The following ASTN2 variants were observed in gnomAD, a reference collection of about 807,000 sequenced individuals.
ASTN2 encodes astrotactin-2.
Under a neutral mutation model 139.8 loss-of-function variants are expected in ASTN2, and 54 were observed. That is an observed-to-expected ratio of 0.39 (90% CI 0.31 to 0.48). ASTN2 has a LOEUF of 0.48. Among genes scored for constraint, ASTN2 ranks in the 20% least tolerant of loss-of-function variants. The pLI, the probability that ASTN2 is intolerant of heterozygous loss-of-function variation, is 0.95. For synonymous variants in ASTN2, 756 were observed against 719.5 expected (o/e 1.05, Z -0.81); for missense variants, 1,565 against 1,725.1 (o/e 0.91, Z 1.64).
At chr9:117,016,133 T>C (rs1837665279) in intron 6 of ASTN2, among the ~76,000 whole-genome samples, 1 of 152,094 alleles carries the variant, frequency 6.6e-6, no homozygotes, top group Non-Finnish European at 1.5e-5. Context: ...TATGTCCTTA[T>C]TGAGAATGTA....
intron 11 of ASTN2, among the ~76,000 whole-genome samples, chr9:116,857,265 T>C (rs1832764702): frequency 6.6e-6 from 1 of 152,196 alleles, no homozygotes. Flanking sequence ...TTAATTGCCA[T>C]GAACATAGGC....
intron 20 of ASTN2, 70 bp downstream of exon 20, chr9:116,487,289 C>G: frequency 6.3e-7 from 1 of 1,576,684 alleles, no homozygotes; most frequent in Non-Finnish European, 8.6e-7. Context: ...CAGAATAACT[C>G]ATGCCATTCC....
At chr9:116,964,298 C>CT in intron 10 of ASTN2, among the ~76,000 whole-genome samples, 1 of 150,518 alleles carries the variant, frequency 6.6e-6, no homozygotes, top group South Asian at 2.1e-4. Context: ...TGGTTGATGC[C>CT]TATTGGGCAG....
chr9:117,048,335 A>C (rs1321544171), intron 5 of ASTN2, among the ~76,000 whole-genome samples: 1 of 152,166 alleles, frequency 6.6e-6, no homozygotes, highest in Non-Finnish European at 1.5e-5. Context: ...AGAAAATGAG[A>C]AGGGCTGTCG....
rs1010170084 is a variant in ASTN2, at chr9:117,405,171, G to T, written c.442+9326C>A. On this transcript the variant is annotated intron_variant, in intron 1 of 22. Transcript: ENST00000313400. ...TATAAGAAACGCCTGCAGCTTCTTG[G>T]TCATGAGAAGAGGATGACATAAGAA... Among the ~76,000 whole-genome samples the T allele has an allele frequency of 3.9e-5, 6 of 152,340 alleles. No homozygotes were observed. In the East Asian group the frequency reaches 9.7e-4, roughly 25 times the overall value.
intron 11 of ASTN2, among the ~76,000 whole-genome samples, chr9:116,856,866 C>T (rs747572442): frequency 1.1e-4 from 17 of 152,268 alleles, no homozygotes; most frequent in Non-Finnish European, 2.2e-4. Flanking sequence ...GAATTCAGAG[C>T]CAGGGCTAAG....
chr9:117,107,962 G>A (rs893639408), intron 4 of ASTN2, among the ~76,000 whole-genome samples: 4 of 152,116 alleles, frequency 2.6e-5, no homozygotes, highest in Non-Finnish European at 5.9e-5. Context: ...CCCTTTATGA[G>A]TTGAATAAAC....
At chr9:116,467,763 A>T (rs895024715) in intron 20 of ASTN2, among the ~76,000 whole-genome samples, 1 of 152,382 alleles carries the variant, frequency 6.6e-6, no homozygotes, top group African/African-American at 2.4e-5. Flanking sequence ...ATTAAACAAG[A>T]TAATGTTTTT....
chr9:116,994,127 T>C (rs1836944245), intron 7 of ASTN2, among the ~76,000 whole-genome samples: 1 of 152,052 alleles, frequency 6.6e-6, no homozygotes. Context: ...ATGAATTCAA[T>C]AGACCAGGAA....
At chr9:117,368,122 C>T (rs1829894321) in intron 1 of ASTN2, among the ~76,000 whole-genome samples, 4 of 152,052 alleles carry the variant, frequency 2.6e-5, no homozygotes, top group Admixed American at 2.6e-4. Context: ...TAAGCAGCAA[C>T]TAAGGATAAG....
chr9:117,113,485 G>T (rs10983530), intron 4 of ASTN2, among the ~76,000 whole-genome samples: 1 of 152,010 alleles, frequency 6.6e-6, no homozygotes, highest in Non-Finnish European at 1.5e-5. Flanking sequence ...GTTAAACCCC[G>T]TCTCCACTAA....
intron 19 of ASTN2, among the ~76,000 whole-genome samples, chr9:116,493,969 A>T (rs898057880): frequency 3.9e-5 from 6 of 152,126 alleles, no homozygotes; most frequent in African/African-American, 1.4e-4. Flanking sequence ...GGAGAAGCAG[A>T]GCTCTCTCTG....
At chr9:116,777,694 T>A (rs759823488) in intron 13 of ASTN2, among the ~76,000 whole-genome samples, 10 of 152,106 alleles carry the variant, frequency 6.6e-5, no homozygotes, top group Non-Finnish European at 1.0e-4. Flanking sequence ...GATGTTCCAA[T>A]CTAAGACCAC....
intron 7 of ASTN2, among the ~76,000 whole-genome samples, chr9:116,997,123 C>T (rs947490766): frequency 1.5e-4 from 23 of 152,070 alleles, no homozygotes; most frequent in Admixed American, 8.5e-4. Context: ...CAAAGGTTGC[C>T]TTGGACTTTC....
chr9:116,750,502 C>T (rs1244207487), intron 13 of ASTN2, among the ~76,000 whole-genome samples: 1 of 152,020 alleles, frequency 6.6e-6, no homozygotes, highest in African/African-American at 2.4e-5. Flanking sequence ...GAGAAACCTG[C>T]TACAGTAGAA....
intron 16 of ASTN2, among the ~76,000 whole-genome samples, chr9:116,703,363 C>CTGGATT (rs1564222210): frequency 6.6e-6 from 1 of 150,408 alleles, no homozygotes; most frequent in Non-Finnish European, 1.5e-5. Context: ...GAGTTCATTG[C>CTGGATT]AGATTCTGGA....
chr9:116,869,203 A>G (rs184522915), intron 10 of ASTN2, among the ~76,000 whole-genome samples: 5 of 152,234 alleles, frequency 3.3e-5, no homozygotes, highest in South Asian at 4.1e-4. Context: ...AAGAAAGAAA[A>G]AAAAATGACA....
intron 6 of ASTN2, among the ~76,000 whole-genome samples, chr9:117,024,314 T>A (rs1837986165): frequency 6.6e-6 from 1 of 152,178 alleles, no homozygotes. Context: ...TCAAATCTTG[T>A]GACGTAATTT....
At chr9:117,016,273 A>G (rs924840042) in intron 6 of ASTN2, among the ~76,000 whole-genome samples, 2 of 151,870 alleles carry the variant, frequency 1.3e-5, no homozygotes, top group Non-Finnish European at 2.9e-5. Context: ...GTGACTCTCA[A>G]CCTCTTCTGG....
Sources: allele counts gnomAD v4.1 joint callset (sites outside exome capture counted in the v4.1 genomes callset), GRCh38; gene constraint gnomAD v4.1.1; transcripts MANE v1.5; gene names NCBI Gene and HGNC (gene_info 2026-07-23, HGNC 2026-07-21).